Variants in PLCXD1 observed in about 807,000 individuals in gnomAD.
PLCXD1 encodes phosphatidylinositol specific phospholipase C X domain containing 1, also known as PI-PLC X domain-containing protein 1.
PLCXD1 carries 45 observed loss-of-function variants against 37.8 expected under a neutral mutation model. That is an observed-to-expected ratio of 1.19 (90% confidence interval 0.94 to 1.53). The LOEUF (loss-of-function observed/expected upper bound fraction) is 1.53, where lower values mean the gene tolerates loss of function less well. PLCXD1 is among the 40% of genes most tolerant of loss of function. PLCXD1 has a pLI of 0.00. For synonymous variants in PLCXD1, 246 were observed against 206.9 expected (o/e 1.19, Z -1.62); for missense variants, 539 against 454.7 (o/e 1.19, Z -1.69).
chrX:278,466 C>T (rs1220589968), upstream of PLCXD1, among the ~76,000 whole-genome samples: 3 of 152,040 alleles, frequency 2.0e-5, no homozygotes, highest in African/African-American at 4.8e-5. Flanking sequence ...TGGCCGGGCA[C>T]GGTGGCTCAC....
upstream of PLCXD1, among the ~76,000 whole-genome samples, chrX:279,085 A>T (rs184306774): frequency 6.6e-6 from 1 of 152,166 alleles, no homozygotes; most frequent in Non-Finnish European, 1.5e-5. Flanking sequence ...AAAGGTGGTT[A>T]TCTATTGTCA....
In PLCXD1 at chrX:300,636, A is replaced by G. The variant is rs2074077067; in HGVS notation, c.*1301A>G. The G allele has an allele frequency of 6.6e-6, 1 of 151,978 alleles. No homozygotes were observed. The highest frequency in any genetic ancestry group is 6.6e-5 in the Admixed American group (1 of 15,258). The allele number at this position is 151,978 out of a possible 1,614,324, so 9.4% of individuals were successfully genotyped here. On this transcript the variant is annotated 3_prime_UTR_variant, in exon 7 of 7. Transcript: ENST00000381657. ...CGTGTATACGTGTATGTATACATGT[A>G]TATGTGTGTATGCGTGTATATACAC...
intron 1 of PLCXD1, 191 bp from the exon 2 acceptor site, chrX:283,976 G>A: frequency 5.4e-6 from 3 of 556,864 alleles, no homozygotes; most frequent in Non-Finnish European, 9.7e-6. Context: ...CCACCTCCCG[G>A]GTTCAAGCGA....
chrX:279,013 C>CG (rs1318776677), upstream of PLCXD1, among the ~76,000 whole-genome samples: 1 of 151,874 alleles, frequency 6.6e-6, no homozygotes, highest in Non-Finnish European at 1.5e-5. Flanking sequence ...AGAGAGTCAG[C>CG]GAAGGGAGAT....
intron 3 of PLCXD1, among the ~76,000 whole-genome samples, chrX:289,334 G>A (rs759377800): frequency 1.4e-4 from 22 of 151,950 alleles, no homozygotes; most frequent in African/African-American, 3.9e-4. Flanking sequence ...TGATCTGCCC[G>A]CCCCAGCCTC....
At chrX:278,039 T>G (rs2069188670), upstream of PLCXD1, among the ~76,000 whole-genome samples, 13 of 41,282 alleles carry the variant, frequency 3.1e-4, no homozygotes, top group Admixed American at 5.8e-4. Flanking sequence ...GGGACAGGTG[T>G]GGGGATAGGA....
chrX:277,312 G>A (rs2069177083), upstream of PLCXD1, among the ~76,000 whole-genome samples: 1 of 107,328 alleles, frequency 9.3e-6, no homozygotes, highest in African/African-American at 3.1e-5. Flanking sequence ...TCAGTGGTCA[G>A]GGGACCTGGG....
At chrX:285,365 TGCAC>T (rs2069418243) in intron 2 of PLCXD1, among the ~76,000 whole-genome samples, 1 of 148,050 alleles carries the variant, frequency 6.8e-6, no homozygotes, top group South Asian at 2.1e-4. Flanking sequence ...TGTACACACA[TGCAC>T]ACATGTATAT....
At chrX:280,357 G>A (rs1301575470), upstream of PLCXD1, among the ~76,000 whole-genome samples, 4 of 67,762 alleles carry the variant, frequency 5.9e-5, no homozygotes, top group Admixed American at 1.4e-4. Context: ...CAGGGGGAAG[G>A]GGGGCCGTGC....
chrX:278,931 G>A (rs1038489769), upstream of PLCXD1, among the ~76,000 whole-genome samples: 2 of 152,150 alleles, frequency 1.3e-5, no homozygotes, highest in African/African-American at 4.8e-5. Context: ...GGTGCGAAGA[G>A]ACCCCCGAAC....
chrX:298,904 C>T (rs778059719), intron 6 of PLCXD1, among the ~76,000 whole-genome samples, 193 bp from the exon 7 acceptor site: 61 of 152,028 alleles, frequency 4.0e-4, no homozygotes, highest in African/African-American at 1.4e-3. Flanking sequence ...CACGGTGTTA[C>T]GACGTGAGCA....
At chrX:283,972 C>T (rs2069363424) in intron 1 of PLCXD1, 195 bp from the exon 2 acceptor site, 6 of 551,842 alleles carry the variant, frequency 1.1e-5, no homozygotes, top group South Asian at 6.3e-5. Flanking sequence ...ACCTCCACCT[C>T]CCGGGTTCAA....
intron 2 of PLCXD1, among the ~76,000 whole-genome samples, chrX:287,572 TATATAG>T (rs1569564467): frequency 1.4e-4 from 13 of 91,426 alleles, no homozygotes; most frequent in Non-Finnish European, 1.8e-4. Context: ...TATATGTTTA[TATATAG>T]ATATAGATAC....
chrX:289,502 T>TTTTC (rs1199863670), intron 3 of PLCXD1, among the ~76,000 whole-genome samples: 1 of 119,260 alleles, frequency 8.4e-6, no homozygotes, highest in Non-Finnish European at 1.7e-5. Flanking sequence ...ACACCTTTCT[T>TTTTC]TTTCTTTCTT....
chrX:285,041 C>T (rs1196272942), intron 2 of PLCXD1, among the ~76,000 whole-genome samples: 1 of 152,132 alleles, frequency 6.6e-6, no homozygotes, highest in Non-Finnish European at 1.5e-5. Flanking sequence ...GGTGGGGACA[C>T]AGCCGAGCCA....
intron 2 of PLCXD1, 72 bp downstream of exon 2, chrX:284,386 G>C: frequency 6.4e-7 from 1 of 1,562,980 alleles, no homozygotes; most frequent in Non-Finnish European, 8.8e-7. Flanking sequence ...GAGCTGTGGC[G>C]TCTGCATTCC....
At chrX:289,810 C>G (rs895905144) in intron 3 of PLCXD1, among the ~76,000 whole-genome samples, 1 of 152,036 alleles carries the variant, frequency 6.6e-6, no homozygotes, top group African/African-American at 2.4e-5. Context: ...CGCGCCCGGC[C>G]GAGACAACCC....
chrX:288,824 G>T lies in PLCXD1; in HGVS notation c.219G>T (p.Leu73Phe). The change falls in exon 3 of 7, where the codon TTG (leucine) becomes TTT (phenylalanine). Residue 73 changes from leucine (L) to phenylalanine (F), a missense_variant. Transcript: ENST00000381657. ...TGCTGCAGCTGCTGAACAAGGCCTT[G>T]CCCTGCATCACGCGCCCTGTCGTGC... ...SRLLQLLNKA[L>F]PCITRPVVLK... The T allele has an allele frequency of 6.2e-7, 1 of 1,613,746 alleles. No individual in the cohort carries two copies.
upstream of PLCXD1, among the ~76,000 whole-genome samples, chrX:279,584 C>T (rs2069219536): frequency 6.6e-6 from 1 of 152,042 alleles, no homozygotes; most frequent in Non-Finnish European, 1.5e-5. Flanking sequence ...CCAGCCTGGC[C>T]AACATGGTGA....
Sources: allele counts gnomAD v4.1 joint callset (sites outside exome capture counted in the v4.1 genomes callset), GRCh38; gene constraint gnomAD v4.1.1; transcripts MANE v1.5; gene names NCBI Gene and HGNC (gene_info 2026-07-23, HGNC 2026-07-21).